The following SGMS1 variants were observed in gnomAD, a reference collection of about 807,000 sequenced individuals.
SGMS1 encodes the protein sphingomyelin synthase 1.
SGMS1 carries 13 observed loss-of-function variants against 46.2 expected under a neutral mutation model. That is an observed-to-expected ratio of 0.28 (90% CI 0.18 to 0.45). The LOEUF (loss-of-function observed/expected upper bound fraction) is 0.45, where lower values mean the gene tolerates loss of function less well. Ranked by LOEUF, SGMS1 falls within the 20% of genes least tolerant of loss-of-function variation. The probability of loss-of-function intolerance (pLI) is 1.00; values close to 1 mark genes in which losing one functional copy is unlikely to be tolerated. For synonymous variants in SGMS1, 203 were observed against 187.8 expected (o/e 1.08, Z -0.66); for missense variants, 324 against 519.9 (o/e 0.62, Z 3.66).
intron 7 of SGMS1, chr10:50,340,627 T>C (rs934404983): frequency 6.6e-6 from 1 of 152,168 alleles, no homozygotes; most frequent in Non-Finnish European, 1.5e-5. Context: ...ACATTAAGAA[T>C]GAAAGGAGGA....
At chr10:50,353,546 T>C (rs1384924362) in intron 6 of SGMS1, among the ~76,000 whole-genome samples, 1 of 152,290 alleles carries the variant, frequency 6.6e-6, no homozygotes, top group Non-Finnish European at 1.5e-5. Context: ...GGATGTCCTC[T>C]CTCACCACTC....
intron 5 of SGMS1, among the ~76,000 whole-genome samples, chr10:50,456,699 T>C (rs568479941): frequency 1.3e-5 from 2 of 152,260 alleles, no homozygotes; most frequent in East Asian, 3.9e-4. Flanking sequence ...GTTTGGCCCA[T>C]GTGAAATATT....
intron 2 of SGMS1, among the ~76,000 whole-genome samples, chr10:50,584,531 A>T (rs1207611849): frequency 6.7e-6 from 1 of 150,146 alleles, no homozygotes; most frequent in Admixed American, 6.6e-5. Flanking sequence ...GATCAACTAC[A>T]CCTTAACTTT....
Position 50,584,486 on chromosome 10 carries a change from G to A in SGMS1, c.-589+5667C>T, listed in dbSNP as rs1023610415. Among the ~76,000 whole-genome samples, 32 of 129,720 alleles carry A rather than the reference G, an allele frequency of 2.5e-4. No individual in the cohort carries two copies. In the South Asian group the frequency reaches 4.3e-3, roughly 18 times the overall value. 85.1% of individuals were successfully genotyped at this position (129,720 alleles called of 152,430 possible). Reference sequence around the variant, plus strand: ...TGCACTCCAGCCTGGGTGACAGTGCGAGACTCCATCTCAAAAAAAAAAAAA... The same window carrying A: ...TGCACTCCAGCCTGGGTGACAGTGCAAGACTCCATCTCAAAAAAAAAAAAA... On this transcript the variant is annotated intron_variant, in intron 2 of 10. Coordinates refer to ENST00000361781, the MANE Select transcript of SGMS1 (RefSeq NM_147156.4).
chr10:50,388,538 A>G (rs1180230016), intron 6 of SGMS1, among the ~76,000 whole-genome samples: 1 of 151,746 alleles, frequency 6.6e-6, no homozygotes, highest in Non-Finnish European at 1.5e-5. Flanking sequence ...CTAGATACTC[A>G]GGAGGCAGAG....
intron 1 of SGMS1, among the ~76,000 whole-genome samples, chr10:50,606,232 T>G (rs7077555): frequency 0.25 from 38,380 of 152,138 alleles, 5,831 homozygotes; most frequent in African/African-American, 0.42. Context: ...AGCCAAATAC[T>G]AAATAGTTCC....
chr10:50,618,273 C>T (rs1481409811), intron 1 of SGMS1, among the ~76,000 whole-genome samples: 1 of 152,110 alleles, frequency 6.6e-6, no homozygotes. Context: ...TGACAGAATA[C>T]AGAATATCTT....
At chr10:50,615,188 G>GA (rs1251399237) in intron 1 of SGMS1, among the ~76,000 whole-genome samples, 1 of 152,152 alleles carries the variant, frequency 6.6e-6, no homozygotes, top group Non-Finnish European at 1.5e-5. Flanking sequence ...AGCGCCCACT[G>GA]AATGCCTGCC....
At chr10:50,407,617 T>TC (rs145107507) in intron 6 of SGMS1, among the ~76,000 whole-genome samples, 2,247 of 150,888 alleles carry the variant, frequency 0.015, 60 homozygotes, top group African/African-American at 0.051. Flanking sequence ...TTTACCGCAT[T>TC]CCCCCCGCCG....
intron 6 of SGMS1, among the ~76,000 whole-genome samples, chr10:50,380,310 G>A (rs7074024): frequency 0.37 from 55,835 of 150,798 alleles, 10,534 homozygotes; most frequent in African/African-American, 0.42. Flanking sequence ...GAGCCCAGGA[G>A]GCAGAGGTTA....
At position 50,623,904 on chromosome 10, in the gene SGMS1, G is replaced by A. The variant is rs144663590; in HGVS notation, c.-881C>T. 3,507 of 987,032 alleles carry A rather than the reference G, an allele frequency of 3.6e-3. 6 individuals are homozygous for A. Among genetic ancestry groups the A allele is most frequent in the Non-Finnish European group, 3.9e-3 (3,262 of 831,290 alleles). The allele number at this position is 987,032 out of a possible 1,614,324, so 61.1% of individuals were successfully genotyped here. ...TGCCCGCCGCCTGCCGCCCGCAGCC[G>A]CTGCCCCGCTGGTGCGAACGCTTTC... is the stretch of plus-strand genomic sequence containing the variant. On this transcript the variant is annotated 5_prime_UTR_variant, in exon 1 of 11. Transcript: ENST00000361781.
At chr10:50,345,217 C>G (rs1361630377) in intron 6 of SGMS1, among the ~76,000 whole-genome samples, 1 of 150,892 alleles carries the variant, frequency 6.6e-6, no homozygotes, top group Non-Finnish European at 1.5e-5. Flanking sequence ...TGGGTTGAAG[C>G]CCATGTGAAG....
intron 3 of SGMS1, among the ~76,000 whole-genome samples, chr10:50,504,426 T>C (rs1837687694): frequency 6.6e-6 from 1 of 152,228 alleles, no homozygotes; most frequent in African/African-American, 2.4e-5. Flanking sequence ...TCATCAGTTA[T>C]GTTAGCTTAT....
chr10:50,378,426 C>T (rs185120881), intron 6 of SGMS1, among the ~76,000 whole-genome samples: 77 of 152,308 alleles, frequency 5.1e-4, no homozygotes, highest in Non-Finnish European at 9.1e-4. Flanking sequence ...TATAAAGCAT[C>T]TAACCTGAAA....
intron 2 of SGMS1, among the ~76,000 whole-genome samples, chr10:50,552,109 GT>G (rs371345310): frequency 2.6e-5 from 4 of 152,200 alleles, no homozygotes; most frequent in African/African-American, 9.7e-5. Context: ...TGGCCCACAA[GT>G]TACAGTGTGC....
chr10:50,598,664 G>A (rs1838619502), intron 1 of SGMS1, among the ~76,000 whole-genome samples: 1 of 152,116 alleles, frequency 6.6e-6, no homozygotes, highest in Non-Finnish European at 1.5e-5. Flanking sequence ...GAAATAAACA[G>A]AGGCTCTAAG....
At chr10:50,533,384 T>C (rs59273165) in intron 2 of SGMS1, among the ~76,000 whole-genome samples, 2,049 of 152,320 alleles carry the variant, frequency 0.013, 49 homozygotes, top group African/African-American at 0.047. Context: ...TTGACTTTAA[T>C]ATAACAGTCC....
rs910024790 is a variant in SGMS1 at position 50,343,703 on chromosome 10, C to A, written c.412G>T (p.Ala138Ser). The A allele has an allele frequency of 3.1e-6, 5 of 1,614,006 alleles. No homozygotes were observed. The African/African-American group carries it at 5.3e-5, about 17-fold the overall frequency. ...AAACAGGAAAGTGCATAAAGAAAGG[C>A]CAGAAAAGTCTTGCCCCACTCCATG... Reference protein sequence around the residue: ...YPMEWGKTFLAFLYALSCFVL... With the variant: ...YPMEWGKTFLSFLYALSCFVL... The change falls in exon 7 of 11, where the codon GCC becomes TCC. Residue 138 changes from alanine to serine, a missense_variant. By Grantham distance (99) the Ala-to-Ser change is moderately conservative (BLOSUM62 1). Around this residue, in one of 2 missense-constraint regions of SGMS1, gnomAD observed 174 missense variants for 350.1 expected, o/e 0.50. Transcript: ENST00000361781.
intron 6 of SGMS1, among the ~76,000 whole-genome samples, chr10:50,411,937 T>A (rs1048815955): frequency 2.0e-5 from 3 of 152,238 alleles, no homozygotes; most frequent in Non-Finnish European, 4.4e-5. Flanking sequence ...TGAAGGCCTC[T>A]AAGCACTAGC....
Sources: gnomAD v4.1 joint callset for allele counts (sites outside exome capture counted in the v4.1 genomes callset) on GRCh38, gnomAD v4.1.1 for gene constraint, gnomAD v4.1.1 regional missense constraint, MANE v1.5 for transcripts, NCBI Gene and HGNC (gene_info 2026-07-23, HGNC 2026-07-21) for gene names.